The following SYNE2 variants were observed in gnomAD, a reference collection of about 807,000 sequenced individuals.
SYNE2 encodes the protein nesprin-2.
In SYNE2, 431 loss-of-function variants were observed where a neutral mutation model predicts 856.3. That is an observed-to-expected ratio of 0.50 (90% CI 0.47 to 0.55). The LOEUF (loss-of-function observed/expected upper bound fraction) is 0.55. Ranked by LOEUF, SYNE2 falls within the 20% of genes least tolerant of loss-of-function variation. The pLI, the probability that SYNE2 is intolerant of heterozygous loss-of-function variation, is 0.00. For missense variants in SYNE2, 8,129 were observed against 8,023.2 expected (o/e 1.01, Z -0.50); for synonymous variants, 2,923 against 2,872.3 (o/e 1.02, Z -0.56).
chr14:63,940,349 C>T (rs564892437), intron 2 of SYNE2, among the ~76,000 whole-genome samples: 3 of 152,218 alleles, frequency 2.0e-5, no homozygotes, highest in African/African-American at 4.8e-5. Context: ...ACCACAGCAC[C>T]GTGGTCCTAA....
chr14:64,021,189 G>C, intron 35 of SYNE2, 126 bp from the exon 36 acceptor site: 2 of 780,154 alleles, frequency 2.6e-6, no homozygotes, highest in Admixed American at 2.0e-5. Context: ...GAAAAACGTA[G>C]AGCAATGAAA....
intron 37 of SYNE2, among the ~76,000 whole-genome samples, chr14:64,022,287 T>C (rs915223854): frequency 1.2e-4 from 18 of 152,130 alleles, no homozygotes; most frequent in African/African-American, 4.1e-4. Flanking sequence ...GACCTGCTCA[T>C]TGTGGTTGGT....
At position 64,010,005 on chromosome 14, in the gene SYNE2, A is replaced by G. The variant is rs2153516799; in HGVS notation, c.4617A>G (p.Gln1539=). The change falls in exon 32 of 116, where the codon CAA becomes CAG. Residue 1539 remains glutamine, a synonymous_variant. Coordinates refer to ENST00000555002, the MANE Select transcript of SYNE2 (RefSeq NM_182914.3). ...QCGRVLELLK[Q]YQNFKSILTT... ...GGAGAGTTTTGGAGCTCTTAAAACA[A>G]TATCAGAATTTTAAAAGCATCTTGA... 2 of 1,613,972 alleles carry G rather than the reference A, an allele frequency of 1.2e-6. No homozygotes were observed. The highest frequency in any genetic ancestry group is 2.2e-5 in the East Asian group (1 of 44,876).
At chr14:63,959,054 C>T (rs1014042579) in intron 8 of SYNE2, among the ~76,000 whole-genome samples, 1 of 151,936 alleles carries the variant, frequency 6.6e-6, no homozygotes, top group African/African-American at 2.4e-5. Context: ...TATTTCCTGC[C>T]CCAGTCTTAG....
chr14:64,015,725 G>A (rs892073907), intron 32 of SYNE2, among the ~76,000 whole-genome samples: 4 of 151,236 alleles, frequency 2.6e-5, no homozygotes, highest in Admixed American at 2.0e-4. Flanking sequence ...CCTTCCTTTT[G>A]CTTGCTTTGG....
chr14:63,917,645 T>C (rs2095548133), intron 2 of SYNE2, among the ~76,000 whole-genome samples: 1 of 151,968 alleles, frequency 6.6e-6, no homozygotes, highest in African/African-American at 2.4e-5. Context: ...TAATTTTGTA[T>C]TTTTAGTAGA....
intron 45 of SYNE2, among the ~76,000 whole-genome samples, chr14:64,037,983 G>A (rs1404856855): frequency 6.6e-6 from 1 of 151,984 alleles, no homozygotes; most frequent in Non-Finnish European, 1.5e-5. Flanking sequence ...CTGCCGGGCG[G>A]AGACGCTCCT....
At chr14:64,163,939 A>T (rs1462113562) in intron 89 of SYNE2, among the ~76,000 whole-genome samples, 1 of 151,886 alleles carries the variant, frequency 6.6e-6, no homozygotes, top group African/African-American at 2.4e-5. Context: ...TTTTATTTTG[A>T]GACAGACTCT....
chr14:64,118,579 T>C (rs979452371), intron 66 of SYNE2, among the ~76,000 whole-genome samples: 2 of 152,064 alleles, frequency 1.3e-5, no homozygotes, highest in African/African-American at 4.8e-5. Context: ...ATTAGGAAGG[T>C]AGGCGAGGCA....
At chr14:63,925,812 T>G (rs2095657592) in intron 2 of SYNE2, among the ~76,000 whole-genome samples, 2 of 152,190 alleles carry the variant, frequency 1.3e-5, no homozygotes, top group African/African-American at 4.8e-5. Flanking sequence ...TTACCTTCAG[T>G]TCCATCCATG....
Position 64,216,486 on chromosome 14 carries a change from C to CGGAA in SYNE2, c.19542+99_19542+100insGGAA. On this transcript the variant is annotated intron_variant, in intron 108 of 115. Transcript: ENST00000555002. Reference sequence around the variant, plus strand: ...TGGTGTAAACTGCGTGTATTCATTCCCCAGGCATATTTTGAGTTGGTTTTC... The same window carrying CGGAA: ...TGGTGTAAACTGCGTGTATTCATTCCGGAACCAGGCATATTTTGAGTTGGTTTTC... 3 of 1,328,794 alleles carry CGGAA rather than the reference C, an allele frequency of 2.3e-6. No individual in the cohort carries two copies. The South Asian group carries it at 3.5e-5, about 16-fold the overall frequency. The allele number at this position is 1,328,794 out of a possible 1,614,324, so 82.3% of individuals were successfully genotyped here.
chr14:64,083,720 T>G (rs946517547), intron 57 of SYNE2, among the ~76,000 whole-genome samples: 4 of 152,210 alleles, frequency 2.6e-5, no homozygotes, highest in Non-Finnish European at 5.9e-5. Context: ...CATATTCAGG[T>G]ATTAGTTTTT....
In SYNE2 at chr14:64,003,330, G is replaced by C. The variant is rs1064797188; in HGVS notation, c.4397G>C (p.Arg1466Pro). Residue 1466 changes from arginine (R) to proline (P), a missense_variant and splice_region_variant, in exon 30 of 116, where the codon CGG becomes CCG. This residue lies in a region of SYNE2 where 2,422 missense variants were observed against 2,357.4 expected (regional missense o/e 1.03). Coordinates refer to ENST00000555002, the MANE Select transcript of SYNE2 (RefSeq NM_182914.3). Reference protein sequence around the residue: ...KDPTVPAVKHRKKSLIRLDKV... With the variant: ...KDPTVPAVKHPKKSLIRLDKV... ...CCTACTGTTCCAGCTGTGAAACATCGGTAAGTATTGTCCATCCATTTCCAT... is the reference window on the plus strand; with the variant it reads ...CCTACTGTTCCAGCTGTGAAACATCCGTAAGTATTGTCCATCCATTTCCAT... 6.2e-7 allele frequency: 1 copy of C among 1,613,948 alleles called. No individual in the cohort carries two copies.
chr14:64,120,905 GC>G, intron 67 of SYNE2, 21 bp from the exon 68 acceptor site: 1 of 1,613,530 alleles, frequency 6.2e-7, no homozygotes, highest in African/African-American at 1.3e-5. Flanking sequence ...TAAATAGCCT[GC>G]CATTATGAAA....
chr14:63,965,006 A>G (rs1030464929), intron 10 of SYNE2, among the ~76,000 whole-genome samples: 1 of 138,406 alleles, frequency 7.2e-6, no homozygotes, highest in African/African-American at 2.8e-5. Flanking sequence ...TCTGTGGCCC[A>G]GGCTAGAGTA....
Position 64,167,597 on chromosome 14 carries a change from T to G in SYNE2, c.16863T>G (p.Ala5621=), listed in dbSNP as rs200618488. 24 of 1,614,102 alleles carry G rather than the reference T, an allele frequency of 1.5e-5. No individual in the cohort carries two copies. Among genetic ancestry groups the G allele is most frequent in the Non-Finnish European group, 1.9e-5 (23 of 1,180,050 alleles). Residue 5621 remains alanine (A), a synonymous_variant, in exon 92 of 116, where the codon GCT becomes GCG. Transcript: ENST00000555002. ...AAGAAGCACTCAAAGTGGATGTGGCTAACAGCCTTCCTGAGCTCCTGGAGC... is the reference window on the plus strand; with the variant it reads ...AAGAAGCACTCAAAGTGGATGTGGCGAACAGCCTTCCTGAGCTCCTGGAGC... ...KIEEALKVDV[A]NSLPELLEQQ...
At chr14:64,183,798 C>T (rs1296121691) in intron 96 of SYNE2, among the ~76,000 whole-genome samples, 2 of 152,030 alleles carry the variant, frequency 1.3e-5, no homozygotes, top group Non-Finnish European at 2.9e-5. Context: ...CGCCTGCAAT[C>T]CCAGGCACTC....
chr14:64,121,134 A>T, intron 68 of SYNE2, 73 bp downstream of exon 68: 1 of 1,597,786 alleles, frequency 6.3e-7, no homozygotes, highest in Non-Finnish European at 8.6e-7. Flanking sequence ...GCAAACCTAC[A>T]GTCCTAGCTA....
chr14:63,908,764 T>C (rs531159119), intron 1 of SYNE2, among the ~76,000 whole-genome samples: 3 of 152,252 alleles, frequency 2.0e-5, no homozygotes, highest in South Asian at 4.1e-4. Flanking sequence ...GCCTAAGATA[T>C]CAGTTTGTGT....
Sources: allele counts gnomAD v4.1 joint callset (sites outside exome capture counted in the v4.1 genomes callset), GRCh38; gene constraint gnomAD v4.1.1; regional missense constraint gnomAD v4.1.1; transcripts MANE v1.5; gene names NCBI Gene and HGNC (gene_info 2026-07-23, HGNC 2026-07-21).